C8orf89: variants seen among roughly 807,000 people sequenced by gnomAD.
The protein encoded by C8orf89 is putative uncharacterized protein C8orf89.
C8orf89 carries 14 observed loss-of-function variants against 15.8 expected under a neutral mutation model. The observed-to-expected ratio is 0.89, with a 90% CI of 0.59 to 1.39. C8orf89 has a LOEUF of 1.39. Ranked by LOEUF, C8orf89 falls within the 40% of genes most tolerant of loss-of-function variation. C8orf89 has a pLI of 0.00. For missense variants in C8orf89, 181 were observed against 184.5 expected (o/e 0.98, Z 0.11); for synonymous variants, 55 against 62.2 (o/e 0.88, Z 0.54).
At chr8:73,277,981 C>CA in the C8orf89 span, 2 of 635,006 alleles carry the variant, frequency 3.1e-6, no homozygotes, top group Non-Finnish European at 6.0e-6. Context: ...CAGCAGCCCC[C>CA]AGGGCTCTTG....
chr8:73,270,733 T>C, the C8orf89 span, among the ~76,000 whole-genome samples: 21 of 152,258 alleles, frequency 1.4e-4, no homozygotes, highest in South Asian at 4.1e-3. Context: ...CAGGGAGACC[T>C]GGTCTCTAAT....
intron 2 of C8orf89, 43 bp downstream of exon 2, chr8:73,256,930 A>C (rs1431234566): frequency 2.7e-6 from 4 of 1,471,470 alleles, no homozygotes; most frequent in Non-Finnish European, 3.6e-6. Flanking sequence ...GTATTACTAC[A>C]AATACACATT....
At chr8:73,277,883 T>A in the C8orf89 span, 3 of 692,564 alleles carry the variant, frequency 4.3e-6, no homozygotes, top group Non-Finnish European at 8.2e-6. Flanking sequence ...CTCCAGCATT[T>A]TCAGGTCTAT....
intron 3 of C8orf89, among the ~76,000 whole-genome samples, chr8:73,242,192 T>C (rs1298738663): frequency 6.6e-6 from 1 of 151,862 alleles, no homozygotes; most frequent in Admixed American, 6.6e-5. Context: ...AAGGAAACAA[T>C]CAACAAAATG....
chr8:73,272,571 AT>A, the C8orf89 span, among the ~76,000 whole-genome samples: 18 of 152,228 alleles, frequency 1.2e-4, no homozygotes, highest in East Asian at 1.9e-3. Context: ...CGTCATTTAC[AT>A]TAGGTATATC....
the C8orf89 span, among the ~76,000 whole-genome samples, chr8:73,273,748 G>GTT: frequency 1.2e-4 from 17 of 141,470 alleles, no homozygotes; most frequent in East Asian, 4.1e-4. Flanking sequence ...GGTGATGCCA[G>GTT]TTTTTTTTTT....
At chr8:73,264,454 G>A (rs767851549), upstream of C8orf89, among the ~76,000 whole-genome samples, 12 of 152,266 alleles carry the variant, frequency 7.9e-5, no homozygotes, top group Middle Eastern at 3.4e-3. Flanking sequence ...GGCAAGAAGC[G>A]CTTCAGACTG....
At chr8:73,274,227 C>T in the C8orf89 span, among the ~76,000 whole-genome samples, 1 of 152,056 alleles carries the variant, frequency 6.6e-6, no homozygotes, top group Non-Finnish European at 1.5e-5. Context: ...GATCTCAGCT[C>T]ACTGTAAGCT....
At chr8:73,247,020 T>G in intron 3 of C8orf89, among the ~76,000 whole-genome samples, 1 of 152,200 alleles carries the variant, frequency 6.6e-6, no homozygotes, top group East Asian at 1.9e-4. Context: ...TAAAATAAGG[T>G]TTTAAAAATC....
At chr8:73,280,272 A>G in the C8orf89 span, among the ~76,000 whole-genome samples, 38 of 152,222 alleles carry the variant, frequency 2.5e-4, no homozygotes, top group Non-Finnish European at 3.8e-4. Flanking sequence ...TTTGAAATAT[A>G]TTGAAGCAAA....
the C8orf89 span, among the ~76,000 whole-genome samples, chr8:73,283,262 G>A: frequency 6.6e-6 from 1 of 152,114 alleles, no homozygotes; most frequent in African/African-American, 2.4e-5. Context: ...ACTGGAGAAG[G>A]GAATTATTAA....
At chr8:73,281,641 T>C in the C8orf89 span, among the ~76,000 whole-genome samples, 1 of 152,134 alleles carries the variant, frequency 6.6e-6, no homozygotes, top group Admixed American at 6.6e-5. Flanking sequence ...TTTTCTTTGT[T>C]TGTTTGTTTG....
chr8:73,260,001 T>A (rs1813493509), upstream of C8orf89, among the ~76,000 whole-genome samples: 1 of 152,210 alleles, frequency 6.6e-6, no homozygotes, highest in Non-Finnish European at 1.5e-5. Flanking sequence ...CGCTACCATT[T>A]ATGAAATGCC....
the C8orf89 span, among the ~76,000 whole-genome samples, chr8:73,269,956 G>GT: frequency 6.6e-6 from 1 of 152,150 alleles, no homozygotes; most frequent in Non-Finnish European, 1.5e-5. Context: ...TATTAAGAAG[G>GT]TAAGGGGTTC....
chr8:73,254,324 A>G (rs904297563), intron 2 of C8orf89, among the ~76,000 whole-genome samples: 1 of 151,944 alleles, frequency 6.6e-6, no homozygotes, highest in Non-Finnish European at 1.5e-5. Flanking sequence ...GTGCTGCTGG[A>G]TTCGTTTTGC....
the C8orf89 span, among the ~76,000 whole-genome samples, chr8:73,280,153 C>A: frequency 6.6e-6 from 1 of 152,216 alleles, no homozygotes; most frequent in Non-Finnish European, 1.5e-5. Flanking sequence ...CAGCAGATGG[C>A]TCAACGGTGG....
intron 3 of C8orf89, among the ~76,000 whole-genome samples, chr8:73,243,163 T>C (rs1813041490): frequency 6.6e-6 from 1 of 152,052 alleles, no homozygotes; most frequent in South Asian, 2.1e-4. Flanking sequence ...CTGGGAAGGA[T>C]AGTGGAGGAG....
chr8:73,268,401 C>A, the C8orf89 span, among the ~76,000 whole-genome samples: 1 of 151,878 alleles, frequency 6.6e-6, no homozygotes, highest in African/African-American at 2.4e-5. Context: ...ACTGCTTGAA[C>A]CTGGGAGGCA....
At chr8:73,265,613 T>C in the C8orf89 span, among the ~76,000 whole-genome samples, 1 of 152,160 alleles carries the variant, frequency 6.6e-6, no homozygotes, top group South Asian at 2.1e-4. Context: ...GTTCAAGGAA[T>C]GTAAGCAGTT....
Sources: gnomAD v4.1 joint callset for allele counts (sites outside exome capture counted in the v4.1 genomes callset) on GRCh38, gnomAD v4.1.1 for gene constraint, MANE v1.5 for transcripts, NCBI Gene and HGNC (gene_info 2026-07-23, HGNC 2026-07-21) for gene names.